Variants in GRIN2A observed in about 807,000 individuals in gnomAD.
The protein encoded by GRIN2A is glutamate receptor ionotropic, NMDA 2A.
In GRIN2A, 22 loss-of-function variants were observed where a neutral mutation model predicts 113.4. The observed-to-expected ratio is 0.19, with a 90% CI of 0.14 to 0.28. GRIN2A has a LOEUF of 0.28. GRIN2A is among the 10% of genes least tolerant of loss of function. GRIN2A has a pLI of 1.00. For missense variants in GRIN2A, 1,502 were observed against 1,887.0 expected (o/e 0.80, Z 3.78); for synonymous variants, 827 against 738.4 (o/e 1.12, Z -1.94).
chr16:10,003,333 A>G (rs536721658), intron 2 of GRIN2A, among the ~76,000 whole-genome samples: 1 of 152,354 alleles, frequency 6.6e-6, no homozygotes, highest in Admixed American at 6.5e-5. Context: ...AGTAATTACC[A>G]TAAAGGATTC....
intron 3 of GRIN2A, among the ~76,000 whole-genome samples, chr16:9,929,992 T>C (rs1382443402): frequency 2.0e-5 from 3 of 152,170 alleles, no homozygotes; most frequent in African/African-American, 4.8e-5. Context: ...TGGGTGCCAA[T>C]TGGAAATGAT....
At chr16:9,898,054 C>CTTTTTTTTTTTTTTTT (rs71402414) in intron 3 of GRIN2A, among the ~76,000 whole-genome samples, 1 of 109,722 alleles carries the variant, frequency 9.1e-6, no homozygotes, top group African/African-American at 3.4e-5. Context: ...CCTCCATTTC[C>CTTTTTTTTTTTTTTTT]TTTTTTTTTT....
At chr16:10,004,630 G>A (rs540297918) in intron 2 of GRIN2A, among the ~76,000 whole-genome samples, 1 of 152,204 alleles carries the variant, frequency 6.6e-6, no homozygotes, top group Admixed American at 6.5e-5. Context: ...AGCATTCCTT[G>A]GTTCATGGCC....
intron 10 of GRIN2A, among the ~76,000 whole-genome samples, chr16:9,815,273 G>A (rs1402364958): frequency 6.6e-6 from 1 of 151,378 alleles, no homozygotes; most frequent in Non-Finnish European, 1.5e-5. Context: ...TTTTAAATGT[G>A]CATCAAAAGA....
chr16:9,815,901 G>A (rs1957047054), intron 10 of GRIN2A, among the ~76,000 whole-genome samples: 1 of 152,250 alleles, frequency 6.6e-6, no homozygotes, highest in Non-Finnish European at 1.5e-5. Context: ...TGAGCAAAAT[G>A]TGGTACCTGA....
Position 10,015,267 on chromosome 16 carries a change from A to AG in GRIN2A, c.415-76717_415-76716insC, listed in dbSNP as rs1296164765. Among the ~76,000 whole-genome samples, 3 of 121,468 alleles carry AG rather than the reference A, an allele frequency of 2.5e-5. No individual in the cohort carries two copies. The Admixed American group carries it at 2.6e-4, about 11-fold the overall frequency. 79.7% of individuals were successfully genotyped at this position (121,468 alleles called of 152,430 possible). ...GACTTCATCTCAAAAAAAAAAAAAA[A>AG]AAAAGAAAAAAAAAAAGAAAAAGAA... On this transcript the variant is annotated intron_variant, in intron 2 of 12. Transcript: ENST00000330684.
intron 2 of GRIN2A, among the ~76,000 whole-genome samples, chr16:9,972,208 C>T (rs778037538): frequency 7.9e-5 from 12 of 152,140 alleles, no homozygotes; most frequent in Non-Finnish European, 1.3e-4. Context: ...ACTAAGCCTC[C>T]ACCTGAGAGA....
intron 2 of GRIN2A, among the ~76,000 whole-genome samples, chr16:10,034,708 C>T (rs1015638553): frequency 1.3e-5 from 2 of 152,066 alleles, no homozygotes; most frequent in East Asian, 1.9e-4. Context: ...AGGAGACTTA[C>T]TGGTCCTTGG....
chr16:9,974,610 C>T (rs1290203974), intron 2 of GRIN2A, among the ~76,000 whole-genome samples: 1 of 152,160 alleles, frequency 6.6e-6, no homozygotes, highest in African/African-American at 2.4e-5. Flanking sequence ...CCTTCTTTAA[C>T]TCCGTGTCTG....
At chr16:9,903,845 T>C (rs1265978472) in intron 3 of GRIN2A, among the ~76,000 whole-genome samples, 1 of 152,196 alleles carries the variant, frequency 6.6e-6, no homozygotes, top group African/African-American at 2.4e-5. Flanking sequence ...CCAAAACAAC[T>C]GTCAAAATAA....
chr16:9,835,836 C>G (rs1474210731), intron 7 of GRIN2A, among the ~76,000 whole-genome samples: 1 of 152,108 alleles, frequency 6.6e-6, no homozygotes, highest in Admixed American at 6.5e-5. Context: ...ACTAATATGT[C>G]CGAACTTAAC....
At chr16:10,154,123 A>G (rs1226540446) in intron 2 of GRIN2A, among the ~76,000 whole-genome samples, 1 of 152,080 alleles carries the variant, frequency 6.6e-6, no homozygotes, top group Admixed American at 6.6e-5. Context: ...ATCAAATGTG[A>G]GCTGAAGCCC....
intron 11 of GRIN2A, among the ~76,000 whole-genome samples, chr16:9,780,857 G>A (rs77785730): frequency 1.1e-4 from 16 of 152,286 alleles, no homozygotes; most frequent in African/African-American, 3.6e-4. Context: ...TTTTTTAAGC[G>A]TGATATTTCT....
At chr16:9,955,019 T>A (rs2045273116) in intron 2 of GRIN2A, among the ~76,000 whole-genome samples, 1 of 152,358 alleles carries the variant, frequency 6.6e-6, no homozygotes, top group African/African-American at 2.4e-5. Flanking sequence ...TTCTACAGAC[T>A]GTCTGAAGTT....
chr16:10,102,410 G>A (rs1030055459), intron 2 of GRIN2A, among the ~76,000 whole-genome samples: 4 of 152,178 alleles, frequency 2.6e-5, no homozygotes, highest in African/African-American at 9.7e-5. Flanking sequence ...GAAGCCTCCT[G>A]AGGCCTCACC....
chr16:10,093,919 G>T (rs2048234935), intron 2 of GRIN2A, among the ~76,000 whole-genome samples: 1 of 152,176 alleles, frequency 6.6e-6, no homozygotes, highest in African/African-American at 2.4e-5. Context: ...CCCACGTAGT[G>T]TGGTTTCTCT....
At chr16:10,158,515 G>A (rs1227444545) in intron 2 of GRIN2A, among the ~76,000 whole-genome samples, 2 of 152,166 alleles carry the variant, frequency 1.3e-5, no homozygotes, top group Non-Finnish European at 2.9e-5. Context: ...GATGGAAACA[G>A]CACAAATGCC....
intron 2 of GRIN2A, among the ~76,000 whole-genome samples, chr16:10,158,081 T>C (rs1212675091): frequency 1.3e-5 from 2 of 152,160 alleles, no homozygotes; most frequent in African/African-American, 4.8e-5. Context: ...CACAGCCCAC[T>C]GCAGCCTCAA....
intron 2 of GRIN2A, among the ~76,000 whole-genome samples, chr16:9,966,042 A>G (rs1452874901): frequency 1.3e-5 from 2 of 152,210 alleles, no homozygotes; most frequent in East Asian, 3.8e-4. Context: ...AATTTTAACT[A>G]GTTTCCCAAG....
Sources: gnomAD v4.1 joint callset for allele counts (sites outside exome capture counted in the v4.1 genomes callset) on GRCh38, gnomAD v4.1.1 for gene constraint, MANE v1.5 for transcripts, NCBI Gene and HGNC (gene_info 2026-07-23, HGNC 2026-07-21) for gene names.